The following CDPF1 variants were observed in gnomAD, a reference collection of about 807,000 sequenced individuals.
The protein encoded by CDPF1 is cysteine rich DPF motif domain containing 1.
A neutral mutation model predicts 8.3 loss-of-function variants in CDPF1; 8 were observed. That is an observed-to-expected ratio of 0.96 (90% CI 0.57 to 1.74). The LOEUF (loss-of-function observed/expected upper bound fraction) is 1.74, where lower values mean the gene tolerates loss of function less well. Ranked by LOEUF, CDPF1 falls within the 40% of genes most tolerant of loss-of-function variation. CDPF1 has a pLI of 0.00. For synonymous variants in CDPF1, 62 were observed against 62.9 expected (o/e 0.99, Z 0.07); for missense variants, 151 against 155.3 (o/e 0.97, Z 0.15).
In CDPF1 at chr22:46,247,110, C is replaced by T. The variant is rs763307321; in HGVS notation, c.225G>A (p.Pro75=). ...GCCCCAGCCCACGCTGCTTACCCAC[C>T]GGGCCCACACACACCAGCCTGCTGC... ...SLCSRLVCVG[P]ECSLFYSKRF... is the part of the protein sequence containing the mutation. Residue 75 remains proline, a splice_region_variant and synonymous_variant, in exon 3 of 4, where the codon CCG becomes CCA. Coordinates refer to ENST00000314567, the MANE Select transcript of CDPF1 (RefSeq NM_207327.5). This position sits in a 1 kb window ranked among gnomAD's most constrained non-coding sequence, Gnocchi z 4.3. 7.4e-6 allele frequency: 12 copies of T among 1,611,172 alleles called. No homozygotes were observed. Among genetic ancestry groups the T allele is most frequent in the Non-Finnish European group, 1.0e-5 (12 of 1,177,854 alleles).
rs775604494 is a variant in CDPF1, at chr22:46,245,190, C to T, written c.274G>A (p.Glu92Lys). 8.1e-6 allele frequency: 13 copies of T among 1,614,120 alleles called. No homozygotes were observed. The highest frequency in any genetic ancestry group is 4.5e-5 in the East Asian group (2 of 44,902). Residue 92 changes from glutamate (E) to lysine (K), a missense_variant, in exon 4 of 4, where the codon GAG (glutamate) becomes AAG (lysine). Physicochemically the swap from Glu to Lys is moderately conservative, Grantham distance 56 (BLOSUM62 1). Transcript: ENST00000314567. This position sits in a 1 kb window ranked among gnomAD's most constrained non-coding sequence, Gnocchi z 6.9. ...TCCTGAGGAAAAGCATTGATGTTCT[C>T]CCGGACACAAGGGAGGCAGAATCTC... The part of the protein sequence containing the change: ...SKRFCLPCVR[E>K]NINAFPQEIR...
At position 46,247,297 on chromosome 22, in the gene CDPF1, G is replaced by A; in HGVS notation, c.114-76C>T. ...AAAATCAGCCATGACCTATGGCCAG[G>A]CAGCAGCAGCCTGCACCTCTGCAGG... On this transcript the variant is annotated intron_variant, in intron 2 of 3. Transcript: ENST00000314567. This position sits in a 1 kb window ranked among gnomAD's most constrained non-coding sequence, Gnocchi z 4.3. The A allele has an allele frequency of 1.0e-6, 1 of 993,712 alleles. No homozygotes were observed. The highest frequency in any genetic ancestry group is 1.6e-6 in the Non-Finnish European group (1 of 637,766). 61.6% of individuals were successfully genotyped at this position (993,712 alleles called of 1,614,324 possible). A position where few individuals can be genotyped will look rare whatever the true frequency, so the allele number is the denominator to read the frequency against.
In CDPF1 at chr22:46,248,784, GC is replaced by G; in HGVS notation, c.1-501del. On this transcript the variant is annotated intron_variant, in intron 1 of 3. Coordinates refer to ENST00000314567, the MANE Select transcript of CDPF1 (RefSeq NM_207327.5). This position sits in a 1 kb window ranked among gnomAD's most constrained non-coding sequence, Gnocchi z 4.1. ...GCCTGTAATCCCAGCACTTTGGGAG[GC>G]CAAGGCAGGCGGATCACGAGGTCAG... Among the ~76,000 whole-genome samples, 1 of 152,306 alleles carries G rather than the reference GC, an allele frequency of 6.6e-6. No homozygotes were observed. The highest frequency in any genetic ancestry group is 1.9e-4 in the East Asian group (1 of 5,178).
In CDPF1 at chr22:46,246,944, A is replaced by G. The variant is rs1049272819; in HGVS notation, c.225+166T>C. ...TTCCTACACCAGGCTGAGACCCTCT[A>G]ACTGACCCTAGCTTGCCCTCTCACC... On this transcript the variant is annotated intron_variant, in intron 3 of 3. Transcript: ENST00000314567. The surrounding 1 kb of genome is among the most constrained non-coding windows in gnomAD (Gnocchi z 7.1). The G allele has an allele frequency of 7.2e-7, 1 of 1,392,240 alleles. No homozygotes were observed. 86.2% of individuals were successfully genotyped at this position (1,392,240 alleles called of 1,614,324 possible).
chr22:46,244,939 G>T lies in CDPF1; in HGVS notation c.*153C>A. On this transcript the variant is annotated 3_prime_UTR_variant, in exon 4 of 4. Transcript: ENST00000314567. The surrounding 1 kb of genome is among the most constrained non-coding windows in gnomAD (Gnocchi z 6.7). ...CTCCCTGGGCCTGTGGCTGCTCCAA[G>T]CTGGACTCCAGCTCCCCTGGGCTGC... 2.1e-6 allele frequency: 2 copies of T among 949,822 alleles called. No individual in the cohort carries two copies. Among genetic ancestry groups the T allele is most frequent in the Non-Finnish European group, 3.1e-6 (2 of 643,828 alleles). The allele number at this position is 949,822 out of a possible 1,614,324, so 58.8% of individuals were successfully genotyped here.
chr22:46,250,198 C>A (rs1936557814), intron 1 of CDPF1, 58 bp downstream of exon 1: 1 of 152,354 alleles, frequency 6.6e-6, no homozygotes, highest in Non-Finnish European at 1.5e-5. Flanking sequence ...CACCCTGAGG[C>A]AGCGCAGGGA....
rs1451678760 is a variant in CDPF1 at position 46,248,569 on chromosome 22, TA to T, written c.1-286del. ...CTCTTCTTCCAGGTCTGCACCACGG[TA>T]AAAGCGTTCCGGTCTCCTGCTCTGC... On this transcript the variant is annotated intron_variant, in intron 1 of 3. Coordinates refer to ENST00000314567, the MANE Select transcript of CDPF1 (RefSeq NM_207327.5). The surrounding 1 kb of genome is among the most constrained non-coding windows in gnomAD (Gnocchi z 4.1). 6.6e-6 allele frequency among the ~76,000 whole-genome samples: 1 copy of T among 152,182 alleles called. No individual in the cohort carries two copies. The highest frequency in any genetic ancestry group is 2.4e-5 in the African/African-American group (1 of 41,434).
At position 46,247,827 on chromosome 22, in the gene CDPF1, T is replaced by C. The variant is rs1415422777; in HGVS notation, c.113+345A>G. Among the ~76,000 whole-genome samples, 1 of 152,166 alleles carries C rather than the reference T, an allele frequency of 6.6e-6. No individual in the cohort carries two copies. Among genetic ancestry groups the C allele is most frequent in the African/African-American group, 2.4e-5 (1 of 41,436 alleles). ...GAGATAAGCCCCCTGACCCACTGGC[T>C]CTAATCCAGGTCTGCAGGGGAGACA... On this transcript the variant is annotated intron_variant, in intron 2 of 3. Transcript: ENST00000314567. The surrounding 1 kb of genome is among the most constrained non-coding windows in gnomAD (Gnocchi z 4.3).
In CDPF1 at chr22:46,247,286, C is replaced by T. The variant is rs761096634; in HGVS notation, c.114-65G>A. 2.1e-5 allele frequency: 23 copies of T among 1,119,806 alleles called. No homozygotes were observed. The highest frequency in any genetic ancestry group is 2.9e-5 in the Non-Finnish European group (22 of 748,308). 69.4% of individuals were successfully genotyped at this position (1,119,806 alleles called of 1,614,324 possible). On this transcript the variant is annotated intron_variant, in intron 2 of 3. Coordinates refer to ENST00000314567, the MANE Select transcript of CDPF1 (RefSeq NM_207327.5). This position sits in a 1 kb window ranked among gnomAD's most constrained non-coding sequence, Gnocchi z 4.3. ...TCTGCCGTCGGAAAATCAGCCATGA[C>T]CTATGGCCAGGCAGCAGCAGCCTGC...
Position 46,246,856 on chromosome 22 carries a change from G to A in CDPF1, c.225+254C>T. The A allele has an allele frequency of 6.5e-7, 1 of 1,539,330 alleles. No individual in the cohort carries two copies. The highest frequency in any genetic ancestry group is 2.4e-5 in the East Asian group (1 of 40,948). ...ACAAGGACTGTCTGCACTGTTGGTG[G>A]GAAGGGGAGGAACCCTGAGGGGCCA... On this transcript the variant is annotated intron_variant, in intron 3 of 3. Transcript: ENST00000314567. This position sits in a 1 kb window ranked among gnomAD's most constrained non-coding sequence, Gnocchi z 7.1.
In CDPF1 at chr22:46,249,090, T is replaced by C. The variant is rs534473831; in HGVS notation, c.1-806A>G. 6.6e-6 allele frequency among the ~76,000 whole-genome samples: 1 copy of C among 152,116 alleles called. No individual in the cohort carries two copies. The highest frequency in any genetic ancestry group is 1.9e-4 in the East Asian group (1 of 5,194). ...CCCCCTTCTCATGTTCATGGTTGGG[T>C]CTTGGAGGCCTCTCTTTCCTTAGAT... On this transcript the variant is annotated intron_variant, in intron 1 of 3. Coordinates refer to ENST00000314567, the MANE Select transcript of CDPF1 (RefSeq NM_207327.5). This position sits in a 1 kb window ranked among gnomAD's most constrained non-coding sequence, Gnocchi z 4.6.
chr22:46,245,528 T>C lies in CDPF1; in HGVS notation c.226-290A>G, dbSNP rs920643341. 1.3e-5 allele frequency among the ~76,000 whole-genome samples: 2 copies of C among 152,140 alleles called. No individual in the cohort carries two copies. The highest frequency in any genetic ancestry group is 2.4e-5 in the African/African-American group (1 of 41,424). ...CTCCATCACGGGGCAGTGACAACAA[T>C]GGAAAGCTGGAGCACAGGCCATGCC... On this transcript the variant is annotated intron_variant, in intron 3 of 3. Transcript: ENST00000314567. This position sits in a 1 kb window ranked among gnomAD's most constrained non-coding sequence, Gnocchi z 6.9.
chr22:46,247,915 T>C lies in CDPF1; in HGVS notation c.113+257A>G, dbSNP rs1484824612. On this transcript the variant is annotated intron_variant, in intron 2 of 3. Transcript: ENST00000314567. This position sits in a 1 kb window ranked among gnomAD's most constrained non-coding sequence, Gnocchi z 4.3. ...CCCCAAAGGGGGAGGCCACCACAGG[T>C]CCCCCAGCTGCTGAGCTGCTCCCCC... Among the ~76,000 whole-genome samples the C allele has an allele frequency of 1.3e-5, 2 of 152,034 alleles. No individual in the cohort carries two copies. The highest frequency in any genetic ancestry group is 4.8e-5 in the African/African-American group (2 of 41,378).
At position 46,248,585 on chromosome 22, in the gene CDPF1, T is replaced by C. The variant is rs998433550; in HGVS notation, c.1-301A>G. 6.6e-6 allele frequency among the ~76,000 whole-genome samples: 1 copy of C among 152,234 alleles called. No homozygotes were observed. On this transcript the variant is annotated intron_variant, in intron 1 of 3. Transcript: ENST00000314567. The surrounding 1 kb of genome is among the most constrained non-coding windows in gnomAD (Gnocchi z 4.1). ...GCACCACGGTAAAAGCGTTCCGGTC[T>C]CCTGCTCTGCCCCATTCTTTACCAC...
Position 46,245,929 on chromosome 22 carries a change from A to G in CDPF1, c.226-691T>C, listed in dbSNP as rs1936483781. On this transcript the variant is annotated intron_variant, in intron 3 of 3. Transcript: ENST00000314567. This position sits in a 1 kb window ranked among gnomAD's most constrained non-coding sequence, Gnocchi z 6.9. ...GTCCCTTCCCGCTGCCTGGGATGCA[A>G]ATATGATGGTGGGAGCTCCACAGCC... Among the ~76,000 whole-genome samples, 1 of 152,168 alleles carries G rather than the reference A, an allele frequency of 6.6e-6. No individual in the cohort carries two copies. The highest frequency in any genetic ancestry group is 2.4e-5 in the African/African-American group (1 of 41,442).
In CDPF1 at chr22:46,247,141, C is replaced by G; in HGVS notation, c.194G>C (p.Ser65Thr). 6.2e-7 allele frequency: 1 copy of G among 1,613,994 alleles called. No homozygotes were observed. The highest frequency in any genetic ancestry group is 8.5e-7 in the Non-Finnish European group (1 of 1,179,920). The change falls in exon 3 of 4, where the codon AGT becomes ACT. Residue 65 changes from serine to threonine, a missense_variant. Transcript: ENST00000314567. This position sits in a 1 kb window ranked among gnomAD's most constrained non-coding sequence, Gnocchi z 4.3. ...DRFLVLGSCC[S>T]LCSRLVCVGP... ...CACACACACCAGCCTGCTGCACAAA[C>G]TGCAGCACGAGCCGAGGACCAGGAA...
rs758077713 is a variant in CDPF1, at chr22:46,245,203, G to A, written c.261C>T (p.Leu87=). Residue 87 remains leucine (L), a synonymous_variant, in exon 4 of 4, where the codon CTC becomes CTT. Transcript: ENST00000314567. This position sits in a 1 kb window ranked among gnomAD's most constrained non-coding sequence, Gnocchi z 6.9. ...CATTGATGTTCTCCCGGACACAAGG[G>A]AGGCAGAATCTCTTGGAGTAGAATA... The part of the protein sequence containing the change: ...CSLFYSKRFC[L]PCVRENINAF... The A allele has an allele frequency of 3.1e-6, 5 of 1,614,218 alleles. No homozygotes were observed. The highest frequency in any genetic ancestry group is 1.1e-5 in the South Asian group (1 of 91,084).
chr22:46,246,922 C>T lies in CDPF1; in HGVS notation c.225+188G>A. ...AGCCACCAATTACCTATTTCCATTCCTACACCAGGCTGAGACCCTCTAACT... is the reference window on the plus strand; with the variant it reads ...AGCCACCAATTACCTATTTCCATTCTTACACCAGGCTGAGACCCTCTAACT... On this transcript the variant is annotated intron_variant, in intron 3 of 3. Transcript: ENST00000314567. This position sits in a 1 kb window ranked among gnomAD's most constrained non-coding sequence, Gnocchi z 7.1. The T allele has an allele frequency of 4.2e-6, 6 of 1,424,312 alleles. No individual in the cohort carries two copies. Among genetic ancestry groups the T allele is most frequent in the Non-Finnish European group, 5.7e-6 (6 of 1,056,696 alleles). The allele number at this position is 1,424,312 out of a possible 1,614,324, so 88.2% of individuals were successfully genotyped here.
At position 46,245,810 on chromosome 22, in the gene CDPF1, GC is replaced by G. The variant is rs2147764734; in HGVS notation, c.226-573del. 6.6e-6 allele frequency among the ~76,000 whole-genome samples: 1 copy of G among 152,344 alleles called. No homozygotes were observed. Among genetic ancestry groups the G allele is most frequent in the South Asian group, 2.1e-4 (1 of 4,832 alleles). The stretch of plus-strand genomic sequence containing the variant: ...ATTCCCCAGCCCCCTCTGTAACTGG[GC>G]ATCGCCATGTGACTCAGGCTGGTTA... On this transcript the variant is annotated intron_variant, in intron 3 of 3. Transcript: ENST00000314567. The surrounding 1 kb of genome is among the most constrained non-coding windows in gnomAD (Gnocchi z 6.9).
Sources: gnomAD v4.1 joint callset for allele counts (sites outside exome capture counted in the v4.1 genomes callset) on GRCh38, gnomAD v4.1.1 for gene constraint, Gnocchi (gnomAD v3.1) non-coding constraint, MANE v1.5 for transcripts, NCBI Gene and HGNC (gene_info 2026-07-23, HGNC 2026-07-21) for gene names.